BRME1: variants seen among roughly 807,000 people sequenced by gnomAD.
The protein encoded by BRME1 is break repair meiotic recombinase recruitment factor 1.
In BRME1, 31 loss-of-function variants were observed where a neutral mutation model predicts 52.6. The ratio of observed to expected loss-of-function variants is 0.59; its 90% CI spans 0.44 to 0.80. The LOEUF is 0.80. Among genes scored for constraint, BRME1 ranks in the 30% least tolerant of loss-of-function variants. The probability of loss-of-function intolerance (pLI) is 0.00; values close to 1 mark genes in which losing one functional copy is unlikely to be tolerated. For missense variants in BRME1, 804 were observed against 860.3 expected (o/e 0.93, Z 0.82); for synonymous variants, 359 against 353.6 (o/e 1.02, Z -0.17).
Position 13,892,906 on chromosome 19 carries a change from A to G in BRME1, c.289-16T>C. The G allele has an allele frequency of 6.2e-7, 1 of 1,602,790 alleles. No homozygotes were observed. The highest frequency in any genetic ancestry group is 1.3e-5 in the African/African-American group (1 of 74,824). On this transcript the variant is annotated splice_polypyrimidine_tract_variant and intron_variant, in intron 4 of 8. Transcript: ENST00000586783. ...CGAATGAGTTCTGTAAACCGGATAC[A>G]AGAACAAAGCAGCAATAAAGATAAG...
At chr19:13,900,508 A>G (rs1970223191) in intron 2 of BRME1, among the ~76,000 whole-genome samples, 1 of 152,180 alleles carries the variant, frequency 6.6e-6, no homozygotes, top group Admixed American at 6.5e-5. Flanking sequence ...CAATCTGCTG[A>G]TCATTTCCTC....
intron 7 of BRME1, among the ~76,000 whole-genome samples, chr19:13,884,129 C>T (rs1486864794): frequency 6.6e-6 from 1 of 152,070 alleles, no homozygotes; most frequent in Non-Finnish European, 1.5e-5. Context: ...GGCTTGAACC[C>T]AGGAATTCAA....
intron 3 of BRME1, among the ~76,000 whole-genome samples, chr19:13,894,603 C>T (rs1969750351): frequency 6.6e-6 from 1 of 152,116 alleles, no homozygotes; most frequent in Non-Finnish European, 1.5e-5. Flanking sequence ...GATATGGGGT[C>T]ATCCTTGTTA....
intron 6 of BRME1, among the ~76,000 whole-genome samples, chr19:13,886,559 G>A (rs1193757393): frequency 6.6e-6 from 1 of 152,190 alleles, no homozygotes. Flanking sequence ...AGTGAATACA[G>A]GGGAAAGCCT....
At chr19:13,886,930 T>A (rs1358797787) in intron 6 of BRME1, among the ~76,000 whole-genome samples, 1 of 152,148 alleles carries the variant, frequency 6.6e-6, no homozygotes, top group African/African-American at 2.4e-5. Flanking sequence ...ATTGTGCCAC[T>A]GCACTCCAGC....
rs964616644 is a variant in BRME1, at chr19:13,889,760, T to C, written c.1096A>G (p.Ile366Val). Residue 366 changes from isoleucine (I) to valine (V), a missense_variant, in exon 6 of 9, where the codon ATA becomes GTA. Ile to Val is a conservative substitution (Grantham distance 29). Around this residue, in one of 3 missense-constraint regions of BRME1, gnomAD observed 552 missense variants for 561.1 expected, o/e 0.98. Transcript: ENST00000586783. The part of the protein sequence containing the change: ...VAGPDGQASA[I>V]SPASPRRKAA... Reference sequence around the variant, plus strand: ...TTCCTCCTGGGAGAGGCAGGTGATATGGCACTGGCCTGCCCATCGGGCCCA... The same window carrying C: ...TTCCTCCTGGGAGAGGCAGGTGATACGGCACTGGCCTGCCCATCGGGCCCA... 6 of 1,610,674 alleles carry C rather than the reference T, an allele frequency of 3.7e-6. No homozygotes were observed. The highest frequency in any genetic ancestry group is 3.3e-5 in the Admixed American group (2 of 59,886).
rs1969202752 is a variant in BRME1 at position 13,888,506 on chromosome 19, C to G, written c.1668+682G>C. ...AACGGCTAGGGAGGTCGCTCTTTCC[C>G]TGGGGGGCAGGGCTGAAGCAAGGCT... On this transcript the variant is annotated intron_variant, in intron 6 of 8. Coordinates refer to ENST00000586783, the MANE Select transcript of BRME1 (RefSeq NM_001345843.2). The surrounding 1 kb of genome is among the most constrained non-coding windows in gnomAD (Gnocchi z 4.1). The G allele has an allele frequency of 6.6e-6, 1 of 152,226 alleles. No individual in the cohort carries two copies. Among genetic ancestry groups the G allele is most frequent in the Non-Finnish European group, 1.5e-5 (1 of 68,052 alleles). The allele number at this position is 152,226 out of a possible 1,614,324, so 9.4% of individuals were successfully genotyped here.
intron 5 of BRME1, among the ~76,000 whole-genome samples, chr19:13,891,299 G>A (rs1969485678): frequency 6.6e-6 from 1 of 151,170 alleles, no homozygotes; most frequent in African/African-American, 2.4e-5. Context: ...ACAGGCTCGC[G>A]CCACCATGCC....
In BRME1 at chr19:13,882,364, G is replaced by A. The variant is rs989148064; in HGVS notation, c.*438C>T. 8 of 401,658 alleles carry A rather than the reference G, an allele frequency of 2.0e-5. No individual in the cohort carries two copies. The highest frequency in any genetic ancestry group is 2.6e-5 in the Non-Finnish European group (6 of 227,862). 24.9% of individuals were successfully genotyped at this position (401,658 alleles called of 1,614,324 possible). ...AACAGCAGGTCACGGGGCCTCTACA[G>A]AATCATTTATTATGGGTCTTCCCAG... On this transcript the variant is annotated 3_prime_UTR_variant, in exon 9 of 9. Transcript: ENST00000586783.
At chr19:13,893,289 A>T in intron 3 of BRME1, 66 bp from the exon 4 acceptor site, 1 of 1,411,972 alleles carries the variant, frequency 7.1e-7, no homozygotes. Context: ...CTGTAATTGC[A>T]GCACTTTGGG....
chr19:13,894,307 C>G (rs1315556023), intron 3 of BRME1, among the ~76,000 whole-genome samples: 3 of 152,108 alleles, frequency 2.0e-5, no homozygotes, highest in African/African-American at 7.2e-5. Flanking sequence ...GGCGGATCAC[C>G]TTAAGTCAGG....
chr19:13,894,084 T>A (rs1231403531), intron 3 of BRME1, among the ~76,000 whole-genome samples: 1 of 152,100 alleles, frequency 6.6e-6, no homozygotes, highest in Admixed American at 6.6e-5. Context: ...ACATTTATAA[T>A]CCCAGGAATT....
At position 13,895,465 on chromosome 19, in the gene BRME1, C is replaced by T; in HGVS notation, c.113G>A (p.Gly38Asp). 1 of 1,614,080 alleles carries T rather than the reference C, an allele frequency of 6.2e-7. No homozygotes were observed. Among genetic ancestry groups the T allele is most frequent in the Non-Finnish European group, 8.5e-7 (1 of 1,179,996 alleles). ...TGGCTCCTCAGGGTGATGTAAACAG[C>T]CCAACATGGAACTCTGGGGGTCCCC... ...FYGDPQSSMLGCLHHPEEPEG... is the reference protein window; with the variant it reads ...FYGDPQSSMLDCLHHPEEPEG... Residue 38 changes from glycine to aspartate, a missense_variant, in exon 3 of 9, where the codon GGC becomes GAC. Coordinates refer to ENST00000586783, the MANE Select transcript of BRME1 (RefSeq NM_001345843.2).
At chr19:13,904,586 C>T (rs889931971) in intron 2 of BRME1, among the ~76,000 whole-genome samples, 2 of 151,978 alleles carry the variant, frequency 1.3e-5, no homozygotes, top group Admixed American at 1.3e-4. Context: ...GGACTACAGG[C>T]ATGTGCCACA....
intron 7 of BRME1, among the ~76,000 whole-genome samples, chr19:13,884,628 C>CAAAA (rs35330501): frequency 8.0e-6 from 1 of 125,402 alleles, no homozygotes; most frequent in Non-Finnish European, 1.7e-5. Flanking sequence ...GACTGTGTCT[C>CAAAA]AAAAAAAAAA....
At chr19:13,893,033 C>T (rs1450535982) in intron 4 of BRME1, 109 bp downstream of exon 4, 2 of 1,354,856 alleles carry the variant, frequency 1.5e-6, no homozygotes, top group Non-Finnish European at 2.1e-6. Context: ...CCCTCCAGCC[C>T]CTGTAGACCA....
At chr19:13,884,550 C>T (rs1217059910) in intron 7 of BRME1, among the ~76,000 whole-genome samples, 1 of 151,600 alleles carries the variant, frequency 6.6e-6, no homozygotes, top group Non-Finnish European at 1.5e-5. Flanking sequence ...ATCATGCGAG[C>T]CTGGGAGATC....
In BRME1 at chr19:13,893,191, C is replaced by T. The variant is rs377384356; in HGVS notation, c.239G>A (p.Arg80Gln). 20 of 1,590,160 alleles carry T rather than the reference C, an allele frequency of 1.3e-5. No individual in the cohort carries two copies. In the African/African-American group the frequency reaches 1.3e-4, roughly 11 times the overall value. ...SPDEETGSPC[R>Q]LLRQPEKEPA... ...CTCCTTTTCTGGTTGACGGAGGAGCCGGCAGGGAGATCCTGTTTCCTCATC... is the reference window on the plus strand; with the variant it reads ...CTCCTTTTCTGGTTGACGGAGGAGCTGGCAGGGAGATCCTGTTTCCTCATC... The change falls in exon 4 of 9, where the codon CGG becomes CAG. Residue 80 changes from arginine to glutamine, a missense_variant. This residue lies in a region of BRME1 where 234 missense variants were observed against 258.1 expected (regional missense o/e 0.91). Coordinates refer to ENST00000586783, the MANE Select transcript of BRME1 (RefSeq NM_001345843.2).
chr19:13,891,786 T>C (rs1969523847), intron 5 of BRME1, among the ~76,000 whole-genome samples: 1 of 149,846 alleles, frequency 6.7e-6, no homozygotes, highest in Admixed American at 6.6e-5. Flanking sequence ...AAAACAATTA[T>C]TGTAGCCTGG....
Sources: gnomAD v4.1 joint callset for allele counts (sites outside exome capture counted in the v4.1 genomes callset) on GRCh38, gnomAD v4.1.1 for gene constraint, gnomAD v4.1.1 regional missense constraint, Gnocchi (gnomAD v3.1) non-coding constraint, MANE v1.5 for transcripts, NCBI Gene and HGNC (gene_info 2026-07-23, HGNC 2026-07-21) for gene names.